The following INPP5A variants were observed in gnomAD, a reference collection of about 807,000 sequenced individuals.
The protein encoded by INPP5A is 43 kDa inositol polyphosphate 5-phophatase.
In INPP5A, 14 loss-of-function variants were observed where a neutral mutation model predicts 65.2. The observed-to-expected ratio is 0.21, with a 90% CI of 0.14 to 0.34. The LOEUF (loss-of-function observed/expected upper bound fraction) is 0.34. Ranked by LOEUF, INPP5A falls within the 10% of genes least tolerant of loss-of-function variation. INPP5A has a pLI of 1.00. For missense variants in INPP5A, 431 were observed against 545.6 expected, an observed-to-expected ratio of 0.79 and a Z score of 2.09; for synonymous variants, 207 against 208.3, an observed-to-expected ratio of 0.99 and a Z score of 0.05.
At chr10:132,665,809 C>G (rs1459885819) in intron 4 of INPP5A, among the ~76,000 whole-genome samples, 1 of 151,790 alleles carries the variant, frequency 6.6e-6, no homozygotes, top group African/African-American at 2.4e-5. Flanking sequence ...AATCCCAGCA[C>G]TCTGGGAGGC....
Position 132,690,063 on chromosome 10 carries a change from C to T in INPP5A, c.307-329C>T, listed in dbSNP as rs112184755. 3.8e-3 allele frequency among the ~76,000 whole-genome samples: 574 copies of T among 149,252 alleles called. 3 individuals carry two copies. The highest frequency in any genetic ancestry group is 0.014 in the African/African-American group (552 of 40,218). On this transcript the variant is annotated intron_variant, in intron 4 of 15. Coordinates refer to ENST00000368594, the MANE Select transcript of INPP5A (RefSeq NM_005539.5). ...TCTGGTCCACTCAATGCCCAGCCCG[C>T]GGGACCTGCGCCCCTGCTGGAGCCA...
At chr10:132,778,158 T>C (rs1245151400) in intron 13 of INPP5A, among the ~76,000 whole-genome samples, 2 of 152,118 alleles carry the variant, frequency 1.3e-5, no homozygotes, top group African/African-American at 2.4e-5. Context: ...GCAGTAGAAA[T>C]GTCTGAGGTT....
rs530552328 is a variant in INPP5A, at chr10:132,629,131, G to A, written c.118-16737G>A. Among the ~76,000 whole-genome samples, 16 of 152,280 alleles carry A rather than the reference G, an allele frequency of 1.1e-4. No individual in the cohort carries two copies. The South Asian group carries it at 1.9e-3, about 18-fold the overall frequency. ...TTCCCATTCTTGGCCTCTGGGTGCC[G>A]AGGGTGGGTCCATTTGGCTGCCTGA... On this transcript the variant is annotated intron_variant, in intron 2 of 15. Coordinates refer to ENST00000368594, the MANE Select transcript of INPP5A (RefSeq NM_005539.5).
intron 11 of INPP5A, among the ~76,000 whole-genome samples, chr10:132,757,492 G>A (rs886476531): frequency 6.6e-6 from 1 of 152,252 alleles, no homozygotes; most frequent in Admixed American, 6.5e-5. Context: ...CTGGAGCCAC[G>A]GGCCTCCCAC....
At chr10:132,708,636 T>C (rs1845580910) in intron 7 of INPP5A, 1 of 548,786 alleles carries the variant, frequency 1.8e-6, no homozygotes, top group Admixed American at 2.4e-5. Flanking sequence ...AGCTGGAGAG[T>C]TCCGCTGGCC....
At position 132,782,721 on chromosome 10, in the gene INPP5A, T is replaced by C. The variant is rs183963092; in HGVS notation, c.*692T>C. On this transcript the variant is annotated 3_prime_UTR_variant, in exon 16 of 16. Coordinates refer to ENST00000368594, the MANE Select transcript of INPP5A (RefSeq NM_005539.5). This position sits in a 1 kb window ranked among gnomAD's most constrained non-coding sequence, Gnocchi z 4.4. ...GTCCCATCAGCAGGCGGCATTGGAGTCTAGGAGCTCAGCTGTGTGTCCATC... is the reference window on the plus strand; with the variant it reads ...GTCCCATCAGCAGGCGGCATTGGAGCCTAGGAGCTCAGCTGTGTGTCCATC... 2.1e-3 allele frequency: 314 copies of C among 152,246 alleles called. 3 individuals carry two copies. Among genetic ancestry groups the C allele is most frequent in the African/African-American group, 6.2e-3 (257 of 41,466 alleles). The allele number at this position is 152,246 out of a possible 1,614,324, so 9.4% of individuals were successfully genotyped here.
At position 132,674,805 on chromosome 10, in the gene INPP5A, A is replaced by G. The variant is rs997712261; in HGVS notation, c.307-15587A>G. On this transcript the variant is annotated intron_variant, in intron 4 of 15. Transcript: ENST00000368594. This position sits in a 1 kb window ranked among gnomAD's most constrained non-coding sequence, Gnocchi z 4.4. ...AAACGTTCAGTTTCCACCAAAGCCCAGTAACAGGCCAAGAGCTGTCTCTCA... is the reference window on the plus strand; with the variant it reads ...AAACGTTCAGTTTCCACCAAAGCCCGGTAACAGGCCAAGAGCTGTCTCTCA... Among the ~76,000 whole-genome samples the G allele has an allele frequency of 1.8e-4, 28 of 152,328 alleles. No homozygotes were observed. Among genetic ancestry groups the G allele is most frequent in the African/African-American group, 6.5e-4 (27 of 41,574 alleles).
At chr10:132,660,427 A>G (rs766758334) in intron 4 of INPP5A, among the ~76,000 whole-genome samples, 1 of 152,204 alleles carries the variant, frequency 6.6e-6, no homozygotes, top group Admixed American at 6.5e-5. Flanking sequence ...GTGTGTTACT[A>G]GCTTTTAAAA....
Position 132,777,697 on chromosome 10 carries a change from A to G in INPP5A, c.1004A>G (p.Gln335Arg). 1 of 1,612,954 alleles carries G rather than the reference A, an allele frequency of 6.2e-7. No individual in the cohort carries two copies. Among genetic ancestry groups the G allele is most frequent in the African/African-American group, 1.3e-5 (1 of 75,046 alleles). ...PSYPYSEDARQGEQYMNTRCP... is the reference protein window; with the variant it reads ...PSYPYSEDARRGEQYMNTRCP... ...TACCCGTACAGTGAGGACGCCCGCCAGGGTGAGCAGTACATGAACACCCGG... is the reference window on the plus strand; with the variant it reads ...TACCCGTACAGTGAGGACGCCCGCCGGGGTGAGCAGTACATGAACACCCGG... The change falls in exon 13 of 16, where the codon CAG (glutamine) becomes CGG (arginine). Residue 335 changes from glutamine to arginine, a missense_variant. Gln to Arg is a conservative substitution (Grantham distance 43, BLOSUM62 1). Coordinates refer to ENST00000368594, the MANE Select transcript of INPP5A (RefSeq NM_005539.5).
chr10:132,681,120 G>A (rs1420965695), intron 4 of INPP5A, among the ~76,000 whole-genome samples: 3 of 152,230 alleles, frequency 2.0e-5, no homozygotes, highest in Non-Finnish European at 2.9e-5. Flanking sequence ...GGGCTCCTGA[G>A]TCTGGTGGGG....
At chr10:132,723,401 G>A (rs1186533129) in intron 8 of INPP5A, among the ~76,000 whole-genome samples, 5 of 152,202 alleles carry the variant, frequency 3.3e-5, no homozygotes, top group African/African-American at 1.2e-4. Flanking sequence ...TGACGGCCGC[G>A]TCTGTTCCTG....
In INPP5A at chr10:132,547,264, T is replaced by C. The variant is rs2133248391; in HGVS notation, c.75+9093T>C. On this transcript the variant is annotated intron_variant, in intron 1 of 15. Transcript: ENST00000368594. The surrounding 1 kb of genome is among the most constrained non-coding windows in gnomAD (Gnocchi z 5.5). The stretch of plus-strand genomic sequence containing the variant: ...AGGGTGGTCAGGGAGGGCGTGGCTG[T>C]CACATGGTTTCTGGACTGTCAGCCT... Among the ~76,000 whole-genome samples, 1 of 152,318 alleles carries C rather than the reference T, an allele frequency of 6.6e-6. No homozygotes were observed. Among genetic ancestry groups the C allele is most frequent in the South Asian group, 2.1e-4 (1 of 4,830 alleles).
chr10:132,755,940 GCA>G (rs1001217350), intron 11 of INPP5A, among the ~76,000 whole-genome samples: 4 of 152,328 alleles, frequency 2.6e-5, no homozygotes, highest in East Asian at 1.9e-4. Flanking sequence ...CATGTACCTG[GCA>G]CACACAGCCC....
Position 132,705,587 on chromosome 10 carries a change from T to C in INPP5A, c.475-2726T>C, listed in dbSNP as rs951885717. Among the ~76,000 whole-genome samples, 2 of 152,256 alleles carry C rather than the reference T, an allele frequency of 1.3e-5. No individual in the cohort carries two copies. Among genetic ancestry groups the C allele is most frequent in the African/African-American group, 4.8e-5 (2 of 41,466 alleles). On this transcript the variant is annotated intron_variant, in intron 6 of 15. Transcript: ENST00000368594. The surrounding 1 kb of genome is among the most constrained non-coding windows in gnomAD (Gnocchi z 4.9). ...CCGGGAGGAGTGTACAGGAAGTCTC[T>C]GTACCTTATGCTCAATTCTTCTGGA...
intron 11 of INPP5A, among the ~76,000 whole-genome samples, chr10:132,756,650 C>T (rs1565002838): frequency 6.6e-6 from 1 of 151,932 alleles, no homozygotes; most frequent in South Asian, 2.1e-4. Flanking sequence ...AGAGCAACAA[C>T]AAACAACTGT....
At chr10:132,712,004 C>T (rs1055695981) in intron 8 of INPP5A, among the ~76,000 whole-genome samples, 7 of 152,172 alleles carry the variant, frequency 4.6e-5, no homozygotes, top group Non-Finnish European at 1.0e-4. Flanking sequence ...ATGTGACCAG[C>T]GCCGTCAGAT....
chr10:132,568,887 A>G (rs1290535404), intron 1 of INPP5A, among the ~76,000 whole-genome samples: 1 of 151,794 alleles, frequency 6.6e-6, no homozygotes, highest in African/African-American at 2.4e-5. Context: ...AAGGCAACAT[A>G]GATCACAATA....
At chr10:132,539,818 T>C (rs2070886741) in intron 1 of INPP5A, among the ~76,000 whole-genome samples, 1 of 152,106 alleles carries the variant, frequency 6.6e-6, no homozygotes, top group African/African-American at 2.4e-5. Context: ...CAAGCATGGG[T>C]GAAGTGTTTG....
chr10:132,588,475 T>A (rs1170707830), intron 1 of INPP5A, among the ~76,000 whole-genome samples: 1 of 152,236 alleles, frequency 6.6e-6, no homozygotes, highest in Non-Finnish European at 1.5e-5. Context: ...TTAGCTGCAA[T>A]GTATTTATGG....
Sources: allele counts gnomAD v4.1 joint callset (sites outside exome capture counted in the v4.1 genomes callset), GRCh38; gene constraint gnomAD v4.1.1; non-coding constraint Gnocchi (gnomAD v3.1); transcripts MANE v1.5; gene names NCBI Gene and HGNC (gene_info 2026-07-23, HGNC 2026-07-21).